NAA25: variants seen among roughly 807,000 people sequenced by gnomAD.
NAA25 encodes the protein N-alpha-acetyltransferase 25, NatB auxiliary subunit.
Under a neutral mutation model 132.5 loss-of-function variants are expected in NAA25, and 30 were observed. That is an observed-to-expected ratio of 0.23 (90% confidence interval 0.17 to 0.31). The LOEUF (loss-of-function observed/expected upper bound fraction) is 0.31, where lower values mean the gene tolerates loss of function less well. Ranked by LOEUF, NAA25 falls within the 10% of genes least tolerant of loss-of-function variation. The pLI is 1.00. For missense variants in NAA25, 771 were observed against 1,150.4 expected (o/e 0.67, Z 4.77); for synonymous variants, 359 against 401.9 (o/e 0.89, Z 1.28).
At position 112,033,313 on chromosome 12, in the gene NAA25, C is replaced by A; in HGVS notation, c.2716G>T (p.Asp906Tyr). The A allele has an allele frequency of 6.2e-7, 1 of 1,613,232 alleles. No individual in the cohort carries two copies. Among genetic ancestry groups the A allele is most frequent in the African/African-American group, 1.3e-5 (1 of 74,996 alleles). The stretch of plus-strand genomic sequence containing the variant: ...TGTGTTTCAAGCCCTTTAATATGAT[C>A]CACAACATTGGAAATTAAAGTCTGA... The part of the protein sequence containing the change: ...GLQTLISNVV[D>Y]HIKGLETHLI... Residue 906 changes from aspartate to tyrosine, a missense_variant, in exon 23 of 24, where the codon GAT becomes TAT. Physicochemically the swap from Asp to Tyr is radical, Grantham distance 160. Around this residue, in one of 3 missense-constraint regions of NAA25, gnomAD observed 324 missense variants for 400.0 expected, o/e 0.81. Transcript: ENST00000261745.
intron 17 of NAA25, among the ~76,000 whole-genome samples, chr12:112,046,455 CCTT>C (rs1259383916): frequency 6.6e-5 from 10 of 152,342 alleles, no homozygotes; most frequent in Admixed American, 1.3e-4. Flanking sequence ...CCCTGTGAAT[CCTT>C]CTGGGACTCA....
intron 4 of NAA25, among the ~76,000 whole-genome samples, chr12:112,081,365 T>C (rs2078971256): frequency 6.6e-6 from 1 of 152,198 alleles, no homozygotes; most frequent in Admixed American, 6.5e-5. Flanking sequence ...AAAATTAAAG[T>C]CCAACATTTC....
chr12:112,108,130 G>C (rs1172803543), intron 1 of NAA25, among the ~76,000 whole-genome samples: 1 of 152,108 alleles, frequency 6.6e-6, no homozygotes, highest in Non-Finnish European at 1.5e-5. Flanking sequence ...CGTGTGACCA[G>C]AGTAGCTGCT....
chr12:112,062,225 C>T (rs944446770), intron 11 of NAA25, among the ~76,000 whole-genome samples: 1 of 151,888 alleles, frequency 6.6e-6, no homozygotes, highest in East Asian at 1.9e-4. Flanking sequence ...GCTGAAACCC[C>T]ATCTCTACTA....
chr12:112,081,588 T>A (rs2078973392), intron 4 of NAA25, among the ~76,000 whole-genome samples: 1 of 152,140 alleles, frequency 6.6e-6, no homozygotes, highest in Non-Finnish European at 1.5e-5. Flanking sequence ...CTTAGGAAAA[T>A]AATATGGTTC....
intron 1 of NAA25, among the ~76,000 whole-genome samples, chr12:112,098,523 C>T (rs961647104): frequency 6.6e-5 from 10 of 152,114 alleles, no homozygotes; most frequent in African/African-American, 2.4e-4. Flanking sequence ...AATCTGTCTT[C>T]TTAGTAAGTC....
intron 9 of NAA25, 29 bp from the exon 10 acceptor site, chr12:112,072,093 T>G: frequency 6.3e-7 from 1 of 1,596,304 alleles, no homozygotes; most frequent in East Asian, 2.2e-5. Flanking sequence ...AAAAGGAATT[T>G]TATTGCCTCT....
At chr12:112,040,638 C>T in intron 20 of NAA25, 60 bp from the exon 21 acceptor site, 1 of 844,982 alleles carries the variant, frequency 1.2e-6, no homozygotes, top group Admixed American at 2.3e-5. Flanking sequence ...TTTTAAGGAA[C>T]ACAACACACA....
At chr12:112,032,171 T>G (rs2136794850) in intron 23 of NAA25, among the ~76,000 whole-genome samples, 1 of 152,148 alleles carries the variant, frequency 6.6e-6, no homozygotes, top group South Asian at 2.1e-4. Flanking sequence ...TTTCACCGTG[T>G]TAGCCAGGAT....
chr12:112,033,343 C>T lies in NAA25; in HGVS notation c.2686G>A (p.Gly896Arg). 1 of 1,612,190 alleles carries T rather than the reference C, an allele frequency of 6.2e-7. No homozygotes were observed. ...VFTSFQDYVT[G>R]LQTLISNVVD... ...ACATTGGAAATTAAAGTCTGAAGCC[C>T]AGTAACATAGTCTTGGAAACTGGTA... The change falls in exon 23 of 24, where the codon GGG (glycine) becomes AGG (arginine). Residue 896 changes from glycine (G) to arginine (R), a missense_variant. Around this residue, in one of 3 missense-constraint regions of NAA25, gnomAD observed 324 missense variants for 400.0 expected, o/e 0.81. Coordinates refer to ENST00000261745, the MANE Select transcript of NAA25 (RefSeq NM_024953.4).
intron 22 of NAA25, among the ~76,000 whole-genome samples, chr12:112,038,643 T>C (rs1428415505): frequency 6.6e-6 from 1 of 152,196 alleles, no homozygotes; most frequent in African/African-American, 2.4e-5. Context: ...CTGGCTTCCC[T>C]GGGCCACACT....
chr12:112,037,493 TG>T (rs1278667976), intron 22 of NAA25: 1 of 146,928 alleles, frequency 6.8e-6, no homozygotes, highest in African/African-American at 2.5e-5. Context: ...CTAAAACCAG[TG>T]GGTGAAGGGC....
intron 17 of NAA25, among the ~76,000 whole-genome samples, chr12:112,047,362 G>A (rs2078401746): frequency 6.6e-6 from 1 of 151,482 alleles, no homozygotes; most frequent in African/African-American, 2.4e-5. Flanking sequence ...TTCCCGAATA[G>A]CTGGGATTAC....
chr12:112,107,940 T>C lies in NAA25; in HGVS notation c.58+776A>G, dbSNP rs536800829. Among the ~76,000 whole-genome samples the C allele has an allele frequency of 4.6e-5, 7 of 152,216 alleles. 1 individual carries two copies. Among genetic ancestry groups the C allele is most frequent in the Admixed American group, 3.9e-4 (6 of 15,276 alleles). On this transcript the variant is annotated intron_variant, in intron 1 of 23. Transcript: ENST00000261745. ...ACATCAAGGTCTTCAAGTCTGCGGG[T>C]TGAGGTAAGAGTTGTGGAGAGGGAT...
At chr12:112,107,538 AT>A (rs1437392964) in intron 1 of NAA25, among the ~76,000 whole-genome samples, 2 of 151,912 alleles carry the variant, frequency 1.3e-5, no homozygotes, top group Non-Finnish European at 2.9e-5. Flanking sequence ...TAGCTATAGG[AT>A]TGTTGCTAAA....
At chr12:112,086,339 C>A (rs1045805351) in intron 4 of NAA25, among the ~76,000 whole-genome samples, 3 of 150,202 alleles carry the variant, frequency 2.0e-5, no homozygotes, top group Admixed American at 6.7e-5. Context: ...CTACTAAAAA[C>A]ACAAAAATTA....
chr12:112,081,233 A>G (rs2078970027), intron 4 of NAA25, 99 bp from the exon 5 acceptor site: 3 of 899,338 alleles, frequency 3.3e-6, no homozygotes, highest in Non-Finnish European at 5.4e-6. Flanking sequence ...GAACAGCAAT[A>G]TATTTACATA....
chr12:112,090,916 T>A (rs1025367515), intron 2 of NAA25, 52 bp from the exon 3 acceptor site: 1 of 1,530,012 alleles, frequency 6.5e-7, no homozygotes, highest in African/African-American at 1.4e-5. Context: ...AAAGGAAATA[T>A]GAACCAAAGA....
chr12:112,031,626 T>C (rs1038544723), intron 23 of NAA25, among the ~76,000 whole-genome samples: 3 of 152,250 alleles, frequency 2.0e-5, no homozygotes. Flanking sequence ...TTGCTCATCA[T>C]TCCAGGATGC....
Sources: allele counts gnomAD v4.1 joint callset (sites outside exome capture counted in the v4.1 genomes callset), GRCh38; gene constraint gnomAD v4.1.1; regional missense constraint gnomAD v4.1.1; transcripts MANE v1.5; gene names NCBI Gene and HGNC (gene_info 2026-07-23, HGNC 2026-07-21).